The following RELL1 variants were observed in gnomAD, a reference collection of about 807,000 sequenced individuals.
RELL1 encodes the protein RELT-like protein 1.
Under a neutral mutation model 23.0 loss-of-function variants are expected in RELL1, and 10 were observed. The ratio of observed to expected loss-of-function variants is 0.43; its 90% CI spans 0.27 to 0.74. RELL1 has a LOEUF of 0.74. Ranked by LOEUF, RELL1 falls within the 30% of genes least tolerant of loss-of-function variation. The probability of loss-of-function intolerance (pLI) is 0.19; values close to 1 mark genes in which losing one functional copy is unlikely to be tolerated. For missense variants in RELL1, 315 were observed against 364.4 expected, an observed-to-expected ratio of 0.86 and a Z score of 1.10; for synonymous variants, 146 against 146.8, an observed-to-expected ratio of 0.99 and a Z score of 0.04.
intron 1 of RELL1, among the ~76,000 whole-genome samples, chr4:37,651,891 G>T (rs369682950): frequency 2.0e-5 from 3 of 152,090 alleles, no homozygotes; most frequent in Non-Finnish European, 4.4e-5. Flanking sequence ...TCAGTGTGTC[G>T]TGTATCCTCA....
intron 1 of RELL1, among the ~76,000 whole-genome samples, chr4:37,656,350 A>C (rs369382056): frequency 9.2e-5 from 14 of 152,162 alleles, no homozygotes; most frequent in African/African-American, 3.1e-4. Flanking sequence ...AGGGGCTGGG[A>C]GGGCAGGGGA....
intron 1 of RELL1, among the ~76,000 whole-genome samples, chr4:37,683,012 G>A (rs908083665): frequency 1.3e-5 from 2 of 152,140 alleles, no homozygotes; most frequent in African/African-American, 4.8e-5. Flanking sequence ...ATATAGTTTC[G>A]AATGCTGCTG....
intron 3 of RELL1, among the ~76,000 whole-genome samples, 177 bp downstream of exon 3, chr4:37,647,191 A>C (rs3849017): frequency 6.6e-6 from 1 of 152,026 alleles, no homozygotes; most frequent in Non-Finnish European, 1.5e-5. Context: ...AGACCGACTC[A>C]CGCTTAGAAA....
At chr4:37,661,429 G>A (rs1031851662) in intron 1 of RELL1, among the ~76,000 whole-genome samples, 3 of 152,042 alleles carry the variant, frequency 2.0e-5, no homozygotes, top group Non-Finnish European at 4.4e-5. Flanking sequence ...ACAGGCGCAC[G>A]CTGCCACACC....
chr4:37,663,362 T>G (rs1174111908), intron 1 of RELL1, among the ~76,000 whole-genome samples: 1 of 152,212 alleles, frequency 6.6e-6, no homozygotes, highest in African/African-American at 2.4e-5. Context: ...CCTTTAAAAT[T>G]ACACATTATG....
intron 1 of RELL1, among the ~76,000 whole-genome samples, chr4:37,672,028 C>T (rs1721852318): frequency 6.6e-6 from 1 of 152,274 alleles, no homozygotes; most frequent in East Asian, 1.9e-4. Flanking sequence ...CAAGCCCCCT[C>T]CAGGCACACC....
At chr4:37,605,820 AAAGAAAGAAAGAAAG>A (rs1233257231), downstream of RELL1, among the ~76,000 whole-genome samples, 3 of 121,414 alleles carry the variant, frequency 2.5e-5, no homozygotes, top group African/African-American at 7.8e-5. Context: ...AGAAAGAAAG[AAAGAAAGAAAGAAAG>A]AAAGAAAGAA....
intron 5 of RELL1, among the ~76,000 whole-genome samples, chr4:37,632,337 A>G (rs1720173021): frequency 7.0e-6 from 1 of 143,250 alleles, no homozygotes; most frequent in Non-Finnish European, 1.5e-5. Context: ...ATGCCTGGCT[A>G]ATTTTGTATT....
chr4:37,605,759 T>TGAAG (rs1553871627), downstream of RELL1, among the ~76,000 whole-genome samples: 14 of 61,764 alleles, frequency 2.3e-4, 1 homozygote, highest in Non-Finnish European at 3.2e-4. Flanking sequence ...AGAAAAAGAA[T>TGAAG]AAAGAAAGAG....
intron 1 of RELL1, among the ~76,000 whole-genome samples, chr4:37,661,865 T>G (rs1327264783): frequency 6.6e-6 from 1 of 152,140 alleles, no homozygotes; most frequent in African/African-American, 2.4e-5. Flanking sequence ...TAGTGAAACT[T>G]GAGGCAGCTA....
At chr4:37,629,587 T>G (rs1326439456) in intron 6 of RELL1, among the ~76,000 whole-genome samples, 1 of 152,302 alleles carries the variant, frequency 6.6e-6, no homozygotes, top group East Asian at 1.9e-4. Context: ...AATGGTAGAC[T>G]TTTCTGTACT....
At chr4:37,604,846 C>CACAA (rs1560323784) in intron 6 of RELL1, among the ~76,000 whole-genome samples, 1 of 106,606 alleles carries the variant, frequency 9.4e-6, no homozygotes, top group African/African-American at 3.7e-5. Context: ...CACAGACACA[C>CACAA]ACACAGACAC....
chr4:37,588,952 G>A, downstream of RELL1: 1 of 1,401,146 alleles, frequency 7.1e-7, no homozygotes, highest in East Asian at 2.3e-5. Context: ...ATGAGCGTGG[G>A]GTCACTTTTA....
At chr4:37,600,227 G>A (rs181244064) in intron 6 of RELL1, among the ~76,000 whole-genome samples, 20 of 144,120 alleles carry the variant, frequency 1.4e-4, no homozygotes, top group African/African-American at 4.2e-4. Context: ...CCAAGATTGC[G>A]CCACTGCACT....
At chr4:37,663,546 G>A (rs1240864538) in intron 1 of RELL1, among the ~76,000 whole-genome samples, 3 of 152,144 alleles carry the variant, frequency 2.0e-5, no homozygotes, top group African/African-American at 7.2e-5. Context: ...GGGTGTTAGT[G>A]GTGTCAGGCA....
chr4:37,623,299 C>G (rs962841933), intron 6 of RELL1: 4 of 159,846 alleles, frequency 2.5e-5, no homozygotes, highest in South Asian at 1.7e-4. Context: ...GCCAAGGAGG[C>G]CATCCAAAGG....
chr4:37,642,964 C>T (rs753248529), intron 3 of RELL1, among the ~76,000 whole-genome samples: 1 of 152,172 alleles, frequency 6.6e-6, no homozygotes, highest in Non-Finnish European at 1.5e-5. Context: ...TTTTGTTGTT[C>T]GTGAGTTGCA....
chr4:37,679,920 C>T (rs113314662), intron 1 of RELL1, among the ~76,000 whole-genome samples: 82 of 152,186 alleles, frequency 5.4e-4, no homozygotes, highest in African/African-American at 1.8e-3. Context: ...CCACTGCACT[C>T]CAGCCTGGGA....
chr4:37,646,036 C>T (rs892204082), intron 3 of RELL1, among the ~76,000 whole-genome samples: 17 of 152,310 alleles, frequency 1.1e-4, no homozygotes, highest in African/African-American at 3.6e-4. Context: ...AGACAAATGG[C>T]TCAGCTCTAT....
Sources: gnomAD v4.1 joint callset for allele counts (sites outside exome capture counted in the v4.1 genomes callset) on GRCh38, gnomAD v4.1.1 for gene constraint, MANE v1.5 for transcripts, NCBI Gene and HGNC (gene_info 2026-07-23, HGNC 2026-07-21) for gene names.